Variants in PDPR observed in about 807,000 individuals in gnomAD.
PDPR encodes the protein pyruvate dehydrogenase phosphatase regulatory subunit, also known as pyruvate dehydrogenase phosphatase regulatory subunit, mitochondrial.
Under a neutral mutation model 102.2 loss-of-function variants are expected in PDPR, and 50 were observed. That is an observed-to-expected ratio of 0.49 (90% CI 0.39 to 0.62). The LOEUF (loss-of-function observed/expected upper bound fraction) is 0.62, where lower values mean the gene tolerates loss of function less well. Among genes scored for constraint, PDPR ranks in the 20% least tolerant of loss-of-function variants. The pLI is 0.00. For synonymous variants in PDPR, 259 were observed against 406.0 expected, an observed-to-expected ratio of 0.64 and a Z score of 4.35; for missense variants, 625 against 1,098.2, an observed-to-expected ratio of 0.57 and a Z score of 6.09.
intron 17 of PDPR, among the ~76,000 whole-genome samples, chr16:70,149,069 A>ATT (rs1567556901): frequency 6.6e-6 from 1 of 151,176 alleles, no homozygotes; most frequent in East Asian, 2.0e-4. Context: ...TAATTTTTGT[A>ATT]TTTTTTTGTA....
intron 2 of PDPR, among the ~76,000 whole-genome samples, chr16:70,118,714 C>T (rs1380708147): frequency 6.6e-6 from 1 of 152,062 alleles, no homozygotes; most frequent in Non-Finnish European, 1.5e-5. Flanking sequence ...ATAAATTGGT[C>T]ACGTGGAGAT....
intron 2 of PDPR, among the ~76,000 whole-genome samples, chr16:70,117,473 G>A (rs9937222): frequency 5.0e-4 from 76 of 151,388 alleles, no homozygotes; most frequent in Middle Eastern, 3.4e-3. Context: ...AGCTGAGATC[G>A]CACCACTGCA....
chr16:70,125,220 T>C (rs1963799225), intron 3 of PDPR, among the ~76,000 whole-genome samples: 2 of 152,220 alleles, frequency 1.3e-5, no homozygotes, highest in South Asian at 4.1e-4. Context: ...CTACTAAAAA[T>C]ACAAATTTAG....
At chr16:70,130,152 G>A (rs1317146516) in intron 6 of PDPR, among the ~76,000 whole-genome samples, 28 of 152,270 alleles carry the variant, frequency 1.8e-4, no homozygotes, top group African/African-American at 5.5e-4. Flanking sequence ...AATTAGCCGG[G>A]CATGGTGGTG....
intron 18 of PDPR, among the ~76,000 whole-genome samples, chr16:70,155,072 A>G (rs1966978720): frequency 6.6e-6 from 1 of 152,120 alleles, no homozygotes; most frequent in East Asian, 2.0e-4. Flanking sequence ...GGCACCTGTA[A>G]TCCCAGCTAC....
Position 70,156,474 on chromosome 16 carries a change from G to A in PDPR, c.2236-1G>A, listed in dbSNP as rs1290089822. On this transcript the variant is annotated splice_acceptor_variant, in intron 18 of 18. Coordinates refer to ENST00000288050, the MANE Select transcript of PDPR (RefSeq NM_017990.5). LOFTEE classifies it high-confidence loss of function. ...GACTCGGCGTTTCCTTTCTTTCTTA[G>A]GGCATGGATTTCATTGGTCGCGACG... The A allele has an allele frequency of 3.1e-6, 5 of 1,612,556 alleles. No individual in the cohort carries two copies. Among genetic ancestry groups the A allele is most frequent in the Non-Finnish European group, 2.5e-6 (3 of 1,178,902 alleles).
At position 70,161,686 on chromosome 16, in the gene PDPR, CTT is replaced by C. The variant is rs373110895; in HGVS notation, c.*4810_*4811del. On this transcript the variant is annotated 3_prime_UTR_variant, in exon 19 of 19. Transcript: ENST00000288050. ...TGTAGCCCTGATCACTACCAGTACACTTTTCAAGACAACTGAGTATTTTTGTA... is the reference window on the plus strand; with the variant it reads ...TGTAGCCCTGATCACTACCAGTACACTTCAAGACAACTGAGTATTTTTGTA... 1 of 152,622 alleles carries C rather than the reference CTT, an allele frequency of 6.6e-6. No homozygotes were observed. The highest frequency in any genetic ancestry group is 2.4e-5 in the African/African-American group (1 of 41,482). The allele number at this position is 152,622 out of a possible 1,614,324, so 9.5% of individuals were successfully genotyped here. A position where few individuals can be genotyped will look rare whatever the true frequency, so the allele number is the denominator to read the frequency against.
At position 70,159,290 on chromosome 16, in the gene PDPR, T is replaced by A. The variant is rs548070947; in HGVS notation, c.*2411T>A. On this transcript the variant is annotated 3_prime_UTR_variant, in exon 19 of 19. Transcript: ENST00000288050. ...TGAAGTAGAACCAGAAATCCTGACCTCCTGTTAAATGACATCAGTTTCCCC... is the reference window on the plus strand; with the variant it reads ...TGAAGTAGAACCAGAAATCCTGACCACCTGTTAAATGACATCAGTTTCCCC... 4.6e-5 allele frequency: 7 copies of A among 152,480 alleles called. No homozygotes were observed. Among genetic ancestry groups the A allele is most frequent in the African/African-American group, 1.7e-4 (7 of 41,590 alleles). 9.4% of individuals were successfully genotyped at this position (152,480 alleles called of 1,614,324 possible).
intron 3 of PDPR, among the ~76,000 whole-genome samples, chr16:70,124,224 G>C (rs1436895012): frequency 1.3e-5 from 2 of 152,228 alleles, no homozygotes; most frequent in Non-Finnish European, 2.9e-5. Context: ...TTAGCTGGGC[G>C]TGGTGGCATA....
Position 70,156,977 on chromosome 16 carries a change from G to A in PDPR, c.*98G>A, listed in dbSNP as rs1967288456. On this transcript the variant is annotated 3_prime_UTR_variant, in exon 19 of 19. Coordinates refer to ENST00000288050, the MANE Select transcript of PDPR (RefSeq NM_017990.5). ...CTTCCGCCTCTGTTCCTCTTCTGGA[G>A]CCTTTGCCTCCCATCTCTTATCTCC... is the stretch of plus-strand genomic sequence containing the variant. 4 of 1,492,220 alleles carry A rather than the reference G, an allele frequency of 2.7e-6. No homozygotes were observed. The highest frequency in any genetic ancestry group is 3.7e-6 in the Non-Finnish European group (4 of 1,092,590). The allele number at this position is 1,492,220 out of a possible 1,614,324, so 92.4% of individuals were successfully genotyped here.
At chr16:70,152,036 C>G (rs1340084215) in intron 17 of PDPR, among the ~76,000 whole-genome samples, 3 of 152,282 alleles carry the variant, frequency 2.0e-5, no homozygotes, top group South Asian at 2.1e-4. Flanking sequence ...ATCCTCTTAC[C>G]TAAAGGACCG....
chr16:70,163,327 A>T (rs1207305088), downstream of PDPR, among the ~76,000 whole-genome samples: 4 of 152,168 alleles, frequency 2.6e-5, no homozygotes, highest in African/African-American at 9.6e-5. Flanking sequence ...GTTTACAACA[A>T]TCTCTTCATC....
At chr16:70,143,061 G>A (rs1178969241) in intron 13 of PDPR, among the ~76,000 whole-genome samples, 3 of 152,258 alleles carry the variant, frequency 2.0e-5, no homozygotes, top group Non-Finnish European at 4.4e-5. Context: ...CAGGCATGGT[G>A]GCGGGCACTT....
Position 70,130,444 on chromosome 16 carries a change from C to A in PDPR, c.629C>A (p.Thr210Lys). Reference sequence around the variant, plus strand: ...ACAGGTGTTCAGATCTATGACCGGACATCTGTTCTTCATGTAATGGTCAAA... The same window carrying A: ...ACAGGTGTTCAGATCTATGACCGGAAATCTGTTCTTCATGTAATGGTCAAA... Reference protein sequence around the residue: ...SQNGVQIYDRTSVLHVMVKKG... With the variant: ...SQNGVQIYDRKSVLHVMVKKG... Residue 210 changes from threonine to lysine, a missense_variant, in exon 7 of 19, where the codon ACA becomes AAA. Around this residue, in one of 11 missense-constraint regions of PDPR, gnomAD observed 35 missense variants for 63.5 expected, o/e 0.55. Coordinates refer to ENST00000288050, the MANE Select transcript of PDPR (RefSeq NM_017990.5). The A allele has an allele frequency of 6.2e-7, 1 of 1,613,668 alleles. No homozygotes were observed. The highest frequency in any genetic ancestry group is 8.5e-7 in the Non-Finnish European group (1 of 1,179,712).
Position 70,157,236 on chromosome 16 carries a change from G to A in PDPR, c.*357G>A, listed in dbSNP as rs1967320062. 6 of 522,398 alleles carry A rather than the reference G, an allele frequency of 1.1e-5. No individual in the cohort carries two copies. The highest frequency in any genetic ancestry group is 9.2e-5 in the South Asian group (6 of 64,988). The allele number at this position is 522,398 out of a possible 1,614,324, so 32.4% of individuals were successfully genotyped here. On this transcript the variant is annotated 3_prime_UTR_variant, in exon 19 of 19. Coordinates refer to ENST00000288050, the MANE Select transcript of PDPR (RefSeq NM_017990.5). Reference sequence around the variant, plus strand: ...CTGCATCTCAAGGCAGGGCAAGCCGGGGTGGTGCAGGTCTCAGGGCACGAG... The same window carrying A: ...CTGCATCTCAAGGCAGGGCAAGCCGAGGTGGTGCAGGTCTCAGGGCACGAG...
intron 6 of PDPR, among the ~76,000 whole-genome samples, chr16:70,129,624 C>T (rs1367780480): frequency 9.3e-4 from 141 of 152,326 alleles, no homozygotes; most frequent in African/African-American, 3.0e-3. Flanking sequence ...GCTGGGATTA[C>T]AGGCGTGAGC....
At chr16:70,150,445 G>A (rs372793756) in intron 17 of PDPR, among the ~76,000 whole-genome samples, 1 of 152,102 alleles carries the variant, frequency 6.6e-6, no homozygotes, top group Non-Finnish European at 1.5e-5. Context: ...TTGTTCTATT[G>A]TGACAGGTAG....
At chr16:70,136,591 T>C in intron 10 of PDPR, among the ~76,000 whole-genome samples, 1 of 152,158 alleles carries the variant, frequency 6.6e-6, no homozygotes, top group Admixed American at 6.6e-5. Context: ...TCGGGCAAAA[T>C]GTTTTTGCAA....
intron 4 of PDPR, among the ~76,000 whole-genome samples, chr16:70,127,722 C>G (rs1401773235): frequency 6.6e-6 from 1 of 152,284 alleles, no homozygotes; most frequent in Non-Finnish European, 1.5e-5. Flanking sequence ...AATTAAGAGT[C>G]ATTGCATTTT....
Sources: allele counts gnomAD v4.1 joint callset (sites outside exome capture counted in the v4.1 genomes callset), GRCh38; gene constraint gnomAD v4.1.1; regional missense constraint gnomAD v4.1.1; transcripts MANE v1.5; gene names NCBI Gene and HGNC (gene_info 2026-07-23, HGNC 2026-07-21).